The following EDN3 variants were observed in gnomAD, a reference collection of about 807,000 sequenced individuals.
EDN3 encodes endothelin-3.
Under a neutral mutation model 21.4 loss-of-function variants are expected in EDN3, and 9 were observed. The observed-to-expected ratio is 0.42, with a 90% CI of 0.25 to 0.73. The LOEUF (loss-of-function observed/expected upper bound fraction) is 0.73, where lower values mean the gene tolerates loss of function less well. Ranked by LOEUF, EDN3 falls within the 30% of genes least tolerant of loss-of-function variation. EDN3 has a pLI of 0.26. For missense variants in EDN3, 327 were observed against 309.4 expected (o/e 1.06, Z -0.43); for synonymous variants, 133 against 126.2 (o/e 1.05, Z -0.36).
At chr20:59,323,753 A>G (rs1168281125) in intron 4 of EDN3, 6 of 412,442 alleles carry the variant, frequency 1.5e-5, no homozygotes, top group Non-Finnish European at 1.7e-5. Flanking sequence ...CAAACGCCCT[A>G]GAGTGTGCTC....
intron 2 of EDN3, among the ~76,000 whole-genome samples, chr20:59,313,609 T>G (rs143390814): frequency 6.6e-5 from 10 of 152,340 alleles, no homozygotes; most frequent in African/African-American, 2.2e-4. Context: ...TTTCCAAATA[T>G]TCTAGAATCA....
chr20:59,317,432 CT>C (rs1600747508), intron 2 of EDN3, among the ~76,000 whole-genome samples: 1 of 152,200 alleles, frequency 6.6e-6, no homozygotes, highest in African/African-American at 2.4e-5. Flanking sequence ...GCTTATGGCA[CT>C]TTGCTAAGTA....
intron 1 of EDN3, among the ~76,000 whole-genome samples, chr20:59,301,158 AGGCTGT>A (rs1988984788): frequency 3.3e-5 from 5 of 152,390 alleles, no homozygotes; most frequent in African/African-American, 1.2e-4. Flanking sequence ...AACTATTCAG[AGGCTGT>A]GCCAAACCCT....
intron 2 of EDN3, among the ~76,000 whole-genome samples, chr20:59,316,223 A>T (rs1451884734): frequency 6.6e-6 from 1 of 152,182 alleles, no homozygotes; most frequent in Non-Finnish European, 1.5e-5. Flanking sequence ...GACTGAAAAA[A>T]GCTGACAAAA....
At position 59,324,460 on chromosome 20, in the gene EDN3, G is replaced by C. The variant is rs138451394; in HGVS notation, c.*1G>C. 6.2e-7 allele frequency: 1 copy of C among 1,613,968 alleles called. No homozygotes were observed. Among genetic ancestry groups the C allele is most frequent in the South Asian group, 1.1e-5 (1 of 91,054 alleles). ...CCTCTTTCAGGAAGGAGCCCCTTAG[G>C]AGGACAGGCCTGCAGCATCCTGGTC... On this transcript the variant is annotated 3_prime_UTR_variant, in exon 5 of 5. Coordinates refer to ENST00000337938, the MANE Select transcript of EDN3 (RefSeq NM_207034.3).
In EDN3 at chr20:59,321,137, G is replaced by A. The variant is rs372385465; in HGVS notation, c.486G>A (p.Val162=). Residue 162 remains valine, a synonymous_variant, in exon 3 of 5, where the codon GTG becomes GTA. Transcript: ENST00000337938. ...SHRPHLRCAC[V]GRYDKACLHF... ...GGCCACACTTGCGCTGCGCTTGTGT[G>A]GGGAGATATGACAAGGCCTGCCTGC... 11 of 1,614,126 alleles carry A rather than the reference G, an allele frequency of 6.8e-6. No individual in the cohort carries two copies. The African/African-American group carries it at 8.0e-5, about 12-fold the overall frequency.
chr20:59,314,762 G>C (rs1014604596), intron 2 of EDN3, among the ~76,000 whole-genome samples: 2 of 152,144 alleles, frequency 1.3e-5, no homozygotes, highest in Non-Finnish European at 2.9e-5. Context: ...GATCCTAGGA[G>C]ACAAAAATAA....
rs1289677196 is a variant in EDN3, at chr20:59,322,238, G to A, written c.543-134G>A. The A allele has an allele frequency of 1.1e-6, 1 of 945,026 alleles. No individual in the cohort carries two copies. Among genetic ancestry groups the A allele is most frequent in the East Asian group, 2.5e-5 (1 of 39,272 alleles). The allele number at this position is 945,026 out of a possible 1,614,324, so 58.5% of individuals were successfully genotyped here. ...ACCGAGTGCTCAGCCTTCAGAAACT[G>A]TGCCTGAGACGCAGTCCTTGGGGAA... On this transcript the variant is annotated intron_variant, in intron 3 of 4. Coordinates refer to ENST00000337938, the MANE Select transcript of EDN3 (RefSeq NM_207034.3). The surrounding 1 kb of genome is among the most constrained non-coding windows in gnomAD (Gnocchi z 4.1).
chr20:59,325,540 C>T lies in EDN3; in HGVS notation c.*1081C>T, dbSNP rs1364624572. The T allele has an allele frequency of 6.6e-6, 1 of 152,086 alleles. No individual in the cohort carries two copies. Among genetic ancestry groups the T allele is most frequent in the Non-Finnish European group, 1.5e-5 (1 of 68,032 alleles). 9.4% of individuals were successfully genotyped at this position (152,086 alleles called of 1,614,324 possible). On this transcript the variant is annotated 3_prime_UTR_variant, in exon 5 of 5. Coordinates refer to ENST00000337938, the MANE Select transcript of EDN3 (RefSeq NM_207034.3). ...TAGGAAACGGCATTTGAGTGGGTGTCCAGGGCCCCGTAGAGAGACATTTAA... is the reference window on the plus strand; with the variant it reads ...TAGGAAACGGCATTTGAGTGGGTGTTCAGGGCCCCGTAGAGAGACATTTAA...
rs1990767652 is a variant in EDN3 at position 59,325,164 on chromosome 20, A to G, written c.*705A>G. ...GTGACTGACCCTCTGTATTCTGTAT[A>G]GACACCAGGCCGATACACAGTGGAG... On this transcript the variant is annotated 3_prime_UTR_variant, in exon 5 of 5. Coordinates refer to ENST00000337938, the MANE Select transcript of EDN3 (RefSeq NM_207034.3). 2 of 153,708 alleles carry G rather than the reference A, an allele frequency of 1.3e-5. No homozygotes were observed. Among genetic ancestry groups the G allele is most frequent in the South Asian group, 4.1e-4 (2 of 4,880 alleles). 9.5% of individuals were successfully genotyped at this position (153,708 alleles called of 1,614,324 possible).
Position 59,322,546 on chromosome 20 carries a change from T to G in EDN3, c.588+129T>G. ...GGTCCAGTGGGAACCCCAGATCTCATGGGATGCTGCACCCACAAGCAATGG... is the reference window on the plus strand; with the variant it reads ...GGTCCAGTGGGAACCCCAGATCTCAGGGGATGCTGCACCCACAAGCAATGG... On this transcript the variant is annotated intron_variant, in intron 4 of 4. Transcript: ENST00000337938. The surrounding 1 kb of genome is among the most constrained non-coding windows in gnomAD (Gnocchi z 4.1). 2 of 1,256,452 alleles carry G rather than the reference T, an allele frequency of 1.6e-6. 1 individual carries two copies. The highest frequency in any genetic ancestry group is 2.5e-5 in the South Asian group (2 of 80,884). 77.8% of individuals were successfully genotyped at this position (1,256,452 alleles called of 1,614,324 possible). A position where few individuals can be genotyped will look rare whatever the true frequency, so the allele number is the denominator to read the frequency against.
chr20:59,307,084 G>T (rs1406636337), intron 2 of EDN3, among the ~76,000 whole-genome samples: 1 of 152,212 alleles, frequency 6.6e-6, no homozygotes, highest in Admixed American at 6.5e-5. Context: ...GGTGGAGGTT[G>T]CAGTGAGCAG....
rs1471170940 is a variant in EDN3 at position 59,322,073 on chromosome 20, C to T, written c.543-299C>T. 2.0e-5 allele frequency among the ~76,000 whole-genome samples: 3 copies of T among 152,276 alleles called. No homozygotes were observed. The highest frequency in any genetic ancestry group is 2.1e-4 in the South Asian group (1 of 4,828). On this transcript the variant is annotated intron_variant, in intron 3 of 4. Coordinates refer to ENST00000337938, the MANE Select transcript of EDN3 (RefSeq NM_207034.3). This position sits in a 1 kb window ranked among gnomAD's most constrained non-coding sequence, Gnocchi z 4.1. ...GCTCCCAACACCCCAACAAGGCAGA[C>T]GGTAGCGCTCAGGACCCCAGGATCT...
rs1990743647 is a variant in EDN3 at position 59,324,634 on chromosome 20, G to C, written c.*175G>C. On this transcript the variant is annotated 3_prime_UTR_variant, in exon 5 of 5. Transcript: ENST00000337938. ...ACGGCAAGAATGCCCAAATCCGAAT[G>C]ACCCCAGTTTTCCTAATGAGTAAAA... 7.1e-6 allele frequency: 6 copies of C among 840,960 alleles called. No homozygotes were observed. Among genetic ancestry groups the C allele is most frequent in the Admixed American group, 4.4e-5 (2 of 45,836 alleles). The allele number at this position is 840,960 out of a possible 1,614,324, so 52.1% of individuals were successfully genotyped here. A position where few individuals can be genotyped will look rare whatever the true frequency, so the allele number is the denominator to read the frequency against.
intron 2 of EDN3, among the ~76,000 whole-genome samples, chr20:59,320,661 C>T (rs569636224): frequency 2.8e-4 from 43 of 152,236 alleles, no homozygotes; most frequent in Non-Finnish European, 5.4e-4. Context: ...AGCCCCAGGG[C>T]GTTCAGGCCA....
intron 2 of EDN3, among the ~76,000 whole-genome samples, chr20:59,318,464 G>C (rs1244689995): frequency 6.6e-6 from 1 of 152,248 alleles, no homozygotes; most frequent in Non-Finnish European, 1.5e-5. Context: ...TAAATGATTA[G>C]CCCTGTGGGA....
intron 1 of EDN3, 59 bp from the exon 2 acceptor site, chr20:59,301,351 G>A: frequency 1.3e-6 from 2 of 1,580,426 alleles, no homozygotes; most frequent in Non-Finnish European, 1.7e-6. Flanking sequence ...GTTTGGGGGT[G>A]GCGGGTGTTG....
In EDN3 at chr20:59,324,361, G is replaced by T; in HGVS notation, c.619G>T (p.Ala207Ser). ...AGTCAAGGACCAACAAAGCAAGCAG[G>T]CTTTAGACCTCCACCATCCAAAGCT... ...VEVKDQQSKQ[A>S]LDLHHPKLMP... Residue 207 changes from alanine (A) to serine (S), a missense_variant, in exon 5 of 5, where the codon GCT (alanine) becomes TCT (serine). Physicochemically the swap from Ala to Ser is moderately conservative, Grantham distance 99. Transcript: ENST00000337938. 6.2e-7 allele frequency: 1 copy of T among 1,614,080 alleles called. No homozygotes were observed.
intron 2 of EDN3, among the ~76,000 whole-genome samples, chr20:59,307,779 C>T (rs1448075026): frequency 1.3e-5 from 2 of 151,948 alleles, no homozygotes; most frequent in Non-Finnish European, 2.9e-5. Flanking sequence ...TGGGCTCAAT[C>T]GAATCTCCCA....
Sources: allele counts gnomAD v4.1 joint callset (sites outside exome capture counted in the v4.1 genomes callset), GRCh38; gene constraint gnomAD v4.1.1; non-coding constraint Gnocchi (gnomAD v3.1); transcripts MANE v1.5; gene names NCBI Gene and HGNC (gene_info 2026-07-23, HGNC 2026-07-21).